Variants in CTSD observed in about 807,000 individuals in gnomAD.
CTSD encodes the protein ceroid-lipofuscinosis, neuronal 10.
CTSD carries 28 observed loss-of-function variants against 43.6 expected under a neutral mutation model. The ratio of observed to expected loss-of-function variants is 0.64; its 90% CI spans 0.48 to 0.88. The LOEUF is 0.88. Ranked by LOEUF, CTSD falls within the 40% of genes least tolerant of loss-of-function variation. The probability of loss-of-function intolerance (pLI) is 0.00; values close to 1 mark genes in which losing one functional copy is unlikely to be tolerated. For missense variants in CTSD, 485 were observed against 555.2 expected (o/e 0.87, Z 1.27); for synonymous variants, 270 against 249.8 (o/e 1.08, Z -0.76).
intron 4 of CTSD, chr11:1,757,953 T>G: frequency 3.1e-6 from 1 of 318,942 alleles, no homozygotes; most frequent in Non-Finnish European, 6.1e-6. Flanking sequence ...GCCGACCCCA[T>G]CCCAAGCTCA....
In CTSD at chr11:1,759,668, G is replaced by T. The variant is rs778616837; in HGVS notation, c.229-29C>A. 3 of 1,600,234 alleles carry T rather than the reference G, an allele frequency of 1.9e-6. No individual in the cohort carries two copies. The South Asian group carries it at 3.3e-5, about 18-fold the overall frequency. On this transcript the variant is annotated intron_variant, in intron 2 of 8. Transcript: ENST00000236671. ...GCAGGGGACAGGGTCCGTCAGGGATGGGAGAGGGGGCCCCATCTCCCCACT... is the reference window on the plus strand; with the variant it reads ...GCAGGGGACAGGGTCCGTCAGGGATTGGAGAGGGGGCCCCATCTCCCCACT...
At chr11:1,760,898 G>A (rs1845867372) in intron 2 of CTSD, 4 of 290,288 alleles carry the variant, frequency 1.4e-5, no homozygotes, top group South Asian at 1.2e-4. Context: ...TGAAGGAGTA[G>A]TGGGCACAGG....
chr11:1,755,194 C>A (rs72850954), intron 5 of CTSD, 166 bp from the exon 6 acceptor site: 2 of 803,256 alleles, frequency 2.5e-6, no homozygotes, highest in Non-Finnish European at 4.2e-6. Context: ...GAGGGACAGA[C>A]TCCCTTCTTC....
rs547063584 is a variant in CTSD at position 1,759,693 on chromosome 11, T to C, written c.229-54A>G. 3.2e-6 allele frequency: 5 copies of C among 1,573,552 alleles called. No individual in the cohort carries two copies. In the African/African-American group the frequency reaches 6.8e-5, roughly 21 times the overall value. ...GGGAGAGGGGGCCCCATCTCCCCAC[T>C]GGGCCTCAGAAGGCCCGGCTGTCCC... is the stretch of plus-strand genomic sequence containing the variant. On this transcript the variant is annotated intron_variant, in intron 2 of 8. Coordinates refer to ENST00000236671, the MANE Select transcript of CTSD (RefSeq NM_001909.5).
In CTSD at chr11:1,753,849, A is replaced by G; in HGVS notation, c.1025T>C (p.Leu342Pro). The change falls in exon 8 of 9, where the codon CTG (leucine) becomes CCG (proline). Residue 342 changes from leucine (L) to proline (P), a missense_variant. Leu to Pro is a moderately conservative substitution (Grantham distance 98). Transcript: ENST00000236671. ...GGACAGCTTGTAGCCTTTGCCTCCC[A>G]GCTTCAGTGTGATCGCGGGCAGGGT... ...VSTLPAITLK[L>P]GGKGYKLSPE... 1 of 1,613,580 alleles carries G rather than the reference A, an allele frequency of 6.2e-7. No homozygotes were observed. Among genetic ancestry groups the G allele is most frequent in the Non-Finnish European group, 8.5e-7 (1 of 1,179,712 alleles).
chr11:1,760,005 G>A (rs185961369), intron 2 of CTSD, among the ~76,000 whole-genome samples: 7 of 152,346 alleles, frequency 4.6e-5, no homozygotes, highest in South Asian at 2.1e-4. Context: ...AGGAAAGCCC[G>A]GCCTGGAAGA....
intron 5 of CTSD, among the ~76,000 whole-genome samples, chr11:1,755,914 C>A (rs1350388042): frequency 6.6e-6 from 1 of 152,150 alleles, no homozygotes; most frequent in Non-Finnish European, 1.5e-5. Flanking sequence ...CCTCTCCTCA[C>A]CAAACATGCT....
chr11:1,761,114 G>T, intron 2 of CTSD, 195 bp downstream of exon 2: 1 of 649,972 alleles, frequency 1.5e-6, no homozygotes, highest in Non-Finnish European at 2.8e-6. Context: ...CCAAGACCCT[G>T]CAATGACAGG....
At position 1,753,286 on chromosome 11, in the gene CTSD, AGATG is replaced by A; in HGVS notation, c.*213_*216del. On this transcript the variant is annotated 3_prime_UTR_variant, in exon 9 of 9. Coordinates refer to ENST00000236671, the MANE Select transcript of CTSD (RefSeq NM_001909.5). ...TGGATCAGCTCTACCCCCACCAAAC[AGATG>A]GAGAGACAGACAGGCAGGCAGCATT... 1 of 627,574 alleles carries A rather than the reference AGATG, an allele frequency of 1.6e-6. No individual in the cohort carries two copies. Among genetic ancestry groups the A allele is most frequent in the Non-Finnish European group, 2.9e-6 (1 of 349,806 alleles). The allele number at this position is 627,574 out of a possible 1,614,324, so 38.9% of individuals were successfully genotyped here. A position where few individuals can be genotyped will look rare whatever the true frequency, so the allele number is the denominator to read the frequency against.
At chr11:1,761,028 C>T (rs1165622841) in intron 2 of CTSD, 1 of 484,148 alleles carries the variant, frequency 2.1e-6, no homozygotes, top group Non-Finnish European at 3.8e-6. Context: ...CAGGCAGGCC[C>T]AAGGACCGCC....
At chr11:1,755,196 C>T (rs1008735933) in intron 5 of CTSD, 168 bp from the exon 6 acceptor site, 3 of 793,258 alleles carry the variant, frequency 3.8e-6, no homozygotes, top group Non-Finnish European at 6.3e-6. Context: ...GGGACAGACT[C>T]CCTTCTTCCC....
At chr11:1,761,846 G>C (rs1342030290) in intron 1 of CTSD, 1 of 357,728 alleles carries the variant, frequency 2.8e-6, no homozygotes, top group African/African-American at 2.1e-5. Context: ...ATGGTGGCCA[G>C]CATGGCTGCT....
intron 4 of CTSD, chr11:1,758,166 G>T: frequency 5.5e-6 from 1 of 181,054 alleles, no homozygotes; most frequent in East Asian, 1.5e-4. Flanking sequence ...AGACAGGAGG[G>T]CTCTGAGGAG....
rs1328097097 is a variant in CTSD, at chr11:1,763,854, C to T, written c.6G>A (p.Gln2=). The change falls in exon 1 of 9, where the codon CAG becomes CAA. Residue 2 remains glutamine, a synonymous_variant. Coordinates refer to ENST00000236671, the MANE Select transcript of CTSD (RefSeq NM_001909.5). M[Q]PSSLLPLALC... ...GGGCGAGCGGCAGAAGGCTGGAGGGCTGCATGGCGGCGGCGGCCGGGTCGG... is the reference window on the plus strand; with the variant it reads ...GGGCGAGCGGCAGAAGGCTGGAGGGTTGCATGGCGGCGGCGGCCGGGTCGG... The T allele has an allele frequency of 2.0e-6, 3 of 1,524,622 alleles. No individual in the cohort carries two copies. In the East Asian group the frequency reaches 7.7e-5, roughly 39 times the overall value. 94.4% of individuals were successfully genotyped at this position (1,524,622 alleles called of 1,614,324 possible).
At chr11:1,756,552 G>A (rs1425707988) in intron 5 of CTSD, among the ~76,000 whole-genome samples, 4 of 152,220 alleles carry the variant, frequency 2.6e-5, no homozygotes, top group Non-Finnish European at 5.9e-5. Flanking sequence ...GCAGTGACCA[G>A]GCGCAGCTCA....
Position 1,754,134 on chromosome 11 carries a change from C to G in CTSD, c.832G>C (p.Glu278Gln), listed in dbSNP as rs1402574017. The change falls in exon 7 of 9, where the codon GAG becomes CAG. Residue 278 changes from glutamate to glutamine, a missense_variant. Glu to Gln is a conservative substitution (Grantham distance 29). Coordinates refer to ENST00000236671, the MANE Select transcript of CTSD (RefSeq NM_001909.5). ...AYWQVHLDQV[E>Q]VASGLTLCKE... ...CACAGGGTCAGCCCGCTGGCCACCTCCACCCTGCGGGGAGTCAGGGCGTGA... is the reference window on the plus strand; with the variant it reads ...CACAGGGTCAGCCCGCTGGCCACCTGCACCCTGCGGGGAGTCAGGGCGTGA... 1.9e-6 allele frequency: 3 copies of G among 1,608,720 alleles called. No individual in the cohort carries two copies. The highest frequency in any genetic ancestry group is 2.5e-6 in the Non-Finnish European group (3 of 1,179,622).
intron 4 of CTSD, 36 bp downstream of exon 4, chr11:1,758,933 C>A: frequency 6.9e-7 from 1 of 1,445,668 alleles, no homozygotes; most frequent in Non-Finnish European, 9.7e-7. Context: ...CACCCTGGCA[C>A]CCTCGAGTCC....
chr11:1,761,972 A>C (rs1590909055), intron 1 of CTSD: 2 of 180,766 alleles, frequency 1.1e-5, no homozygotes, highest in African/African-American at 2.4e-5. Context: ...AGGTGGCCCC[A>C]CCTCCAGGCT....
In CTSD at chr11:1,754,395, AG is replaced by A. The variant is rs1355910931; in HGVS notation, c.828-258del. 200 of 342,022 alleles carry A rather than the reference AG, an allele frequency of 5.8e-4. 1 individual carries two copies. Among genetic ancestry groups the A allele is most frequent in the Middle Eastern group, 3.3e-3 (4 of 1,210 alleles). 21.2% of individuals were successfully genotyped at this position (342,022 alleles called of 1,614,324 possible). On this transcript the variant is annotated intron_variant, in intron 6 of 8. Coordinates refer to ENST00000236671, the MANE Select transcript of CTSD (RefSeq NM_001909.5). ...GGGATGGAGGGGCATAGAGGGATGG[AG>A]GGGATGGAGGGGATGAAGGGATGGA...
Sources: allele counts gnomAD v4.1 joint callset (sites outside exome capture counted in the v4.1 genomes callset), GRCh38; gene constraint gnomAD v4.1.1; transcripts MANE v1.5; gene names NCBI Gene and HGNC (gene_info 2026-07-23, HGNC 2026-07-21).